The following ARHGEF6 variants were observed in gnomAD, a reference collection of about 807,000 sequenced individuals.
ARHGEF6 encodes rho guanine nucleotide exchange factor 6.
Under a neutral mutation model 70.3 loss-of-function variants are expected in ARHGEF6, and 9 were observed. That is an observed-to-expected ratio of 0.13 (90% CI 0.08 to 0.22). The LOEUF is 0.22. ARHGEF6 is among the 10% of genes least tolerant of loss of function. The probability of loss-of-function intolerance (pLI) is 1.00; values close to 1 mark genes in which losing one functional copy is unlikely to be tolerated. For synonymous variants in ARHGEF6, 201 were observed against 207.8 expected, an observed-to-expected ratio of 0.97 and a Z score of 0.28; for missense variants, 470 against 563.0, an observed-to-expected ratio of 0.83 and a Z score of 1.67.
chrX:136,690,504 G>T, intron 10 of ARHGEF6, 106 bp downstream of exon 10: 2 of 931,912 alleles, frequency 2.1e-6, no homozygotes, highest in Non-Finnish European at 1.5e-6. Context: ...TTGAATCCAA[G>T]ACCTTGATTC....
intron 6 of ARHGEF6, among the ~76,000 whole-genome samples, chrX:136,722,533 T>C (rs1022846290): frequency 3.6e-5 from 4 of 111,602 alleles, no homozygotes; most frequent in Non-Finnish European, 5.7e-5. Flanking sequence ...AAAGAAGATA[T>C]ACAAATGGCC....
chrX:136,766,135 G>A (rs1243368466), intron 2 of ARHGEF6, among the ~76,000 whole-genome samples: 1 of 111,411 alleles, frequency 9.0e-6, no homozygotes, highest in African/African-American at 3.3e-5. Context: ...ACAAGGGCAG[G>A]CCCAGGCCTT....
intron 6 of ARHGEF6, among the ~76,000 whole-genome samples, chrX:136,721,498 G>A (rs1248870780): frequency 2.7e-5 from 3 of 111,392 alleles, no homozygotes; most frequent in Admixed American, 1.9e-4. Context: ...AGGGGGCAGA[G>A]GTTGCAGTGA....
intron 9 of ARHGEF6, among the ~76,000 whole-genome samples, chrX:136,696,350 C>T (rs1216021221): frequency 8.9e-6 from 1 of 111,742 alleles, no homozygotes; most frequent in Non-Finnish European, 1.9e-5. Context: ...CAGTGGCTCA[C>T]ACCTGTAATC....
chrX:136,725,890 T>C (rs1485538574), intron 6 of ARHGEF6, among the ~76,000 whole-genome samples: 1 of 112,199 alleles, frequency 8.9e-6, no homozygotes, highest in Non-Finnish European at 1.9e-5. Context: ...TCCTGGGCTA[T>C]TGATTTTCCA....
intron 15 of ARHGEF6, 67 bp from the exon 16 acceptor site, chrX:136,679,727 G>A: frequency 8.6e-7 from 1 of 1,164,017 alleles, no homozygotes; most frequent in Non-Finnish European, 1.2e-6. Context: ...CACACAGTGA[G>A]AGAACAACAA....
rs949972326 is a variant in ARHGEF6 at position 136,711,532 on chromosome X, T to A, written c.827+1744A>T. Among the ~76,000 whole-genome samples the A allele has an allele frequency of 2.7e-5, 3 of 112,193 alleles. No homozygotes were observed. The East Asian group carries it at 8.3e-4, about 31-fold the overall frequency. On this transcript the variant is annotated intron_variant, in intron 7 of 21. Transcript: ENST00000250617. The stretch of plus-strand genomic sequence containing the variant: ...ACAGAACACTTCATATTTCACATGA[T>A]AATAACAAAAAATACTTTGTTTTTT...
chrX:136,683,559 T>C (rs2076355575), intron 12 of ARHGEF6, among the ~76,000 whole-genome samples: 1 of 111,250 alleles, frequency 9.0e-6, no homozygotes, highest in Non-Finnish European at 1.9e-5. Context: ...GGTTTCTCCA[T>C]GTTGGTCAGG....
chrX:136,761,592 T>A (rs1490112920), intron 2 of ARHGEF6, among the ~76,000 whole-genome samples: 1 of 112,543 alleles, frequency 8.9e-6, no homozygotes. Flanking sequence ...AAGGATTAAT[T>A]TCTGCTGTTA....
At chrX:136,766,106 G>A (rs1248336173) in intron 2 of ARHGEF6, among the ~76,000 whole-genome samples, 3 of 111,909 alleles carry the variant, frequency 2.7e-5, no homozygotes, top group Non-Finnish European at 5.6e-5. Flanking sequence ...GAAATCCTTG[G>A]AAATGCCTCA....
chrX:136,745,239 C>A lies in ARHGEF6; in HGVS notation c.443G>T (p.Arg148Met). The part of the protein sequence containing the change: ...AVSSTVSGLQ[R>M]QSKTVEMTEN... ...TATACTTACCACTGTCTTTGACTGC[C>A]TTTGCAGCCCTGAAACTGTGCTAGA... The change falls in exon 4 of 22, where the codon AGG becomes ATG. Residue 148 changes from arginine to methionine, a missense_variant. By Grantham distance (91) the Arg-to-Met change is moderately conservative (BLOSUM62 -1). Coordinates refer to ENST00000250617, the MANE Select transcript of ARHGEF6 (RefSeq NM_004840.3). 8.3e-7 allele frequency: 1 copy of A among 1,211,764 alleles called. No homozygotes were observed. The highest frequency in any genetic ancestry group is 1.1e-6 in the Non-Finnish European group (1 of 895,495).
intron 6 of ARHGEF6, among the ~76,000 whole-genome samples, chrX:136,730,806 T>C (rs7050751): frequency 0.015 from 1,665 of 111,606 alleles, 28 homozygotes; most frequent in African/African-American, 0.05. Flanking sequence ...ATAGGATTGA[T>C]ATAAATTCCA....
rs753214320 is a variant in ARHGEF6 at position 136,677,860 on chromosome X, G to A, written c.1851+76C>T. On this transcript the variant is annotated intron_variant, in intron 17 of 21. Transcript: ENST00000250617. ...AACAAGGGACAAAACAAGCATAAGGGAAAGCTTCATTCATCAAAGGTTACA... is the reference window on the plus strand; with the variant it reads ...AACAAGGGACAAAACAAGCATAAGGAAAAGCTTCATTCATCAAAGGTTACA... 19 of 899,380 alleles carry A rather than the reference G, an allele frequency of 2.1e-5. 1 individual carries two copies. In the East Asian group the frequency reaches 2.2e-4, roughly 11 times the overall value. 74.1% of individuals were successfully genotyped at this position (899,380 alleles called of 1,213,427 possible).
chrX:136,684,480 T>A (rs1295986442), intron 12 of ARHGEF6, among the ~76,000 whole-genome samples: 1 of 111,527 alleles, frequency 9.0e-6, no homozygotes, highest in East Asian at 2.8e-4. Flanking sequence ...ACCCGATACA[T>A]CAAACCAGGT....
chrX:136,736,556 T>C (rs889020440), intron 5 of ARHGEF6, among the ~76,000 whole-genome samples: 5 of 109,743 alleles, frequency 4.6e-5, no homozygotes, highest in Non-Finnish European at 7.6e-5. Flanking sequence ...TGGAAAGAGG[T>C]TTTTATCATC....
chrX:136,695,326 G>A (rs1464156002), intron 9 of ARHGEF6, among the ~76,000 whole-genome samples: 1 of 112,157 alleles, frequency 8.9e-6, no homozygotes, highest in Non-Finnish European at 1.9e-5. Flanking sequence ...ATCATTTCAA[G>A]GGATATTATA....
chrX:136,703,192 C>T (rs2076593314), intron 9 of ARHGEF6, among the ~76,000 whole-genome samples: 1 of 111,974 alleles, frequency 8.9e-6, no homozygotes, highest in Non-Finnish European at 1.9e-5. Context: ...GATACAACAC[C>T]AAAAGTGCAA....
At chrX:136,743,443 G>T in intron 5 of ARHGEF6, 142 bp downstream of exon 5, 2 of 549,530 alleles carry the variant, frequency 3.6e-6, no homozygotes, top group Non-Finnish European at 6.0e-6. Flanking sequence ...ATTTTTCCCA[G>T]TTCTGTTCTA....
chrX:136,712,885 A>G (rs939148705), intron 7 of ARHGEF6, among the ~76,000 whole-genome samples: 3 of 112,575 alleles, frequency 2.7e-5, no homozygotes, highest in African/African-American at 9.7e-5. Flanking sequence ...AGCATGGGAA[A>G]GAAGTTCTGC....
Sources: gnomAD v4.1 joint callset for allele counts (sites outside exome capture counted in the v4.1 genomes callset) on GRCh38, gnomAD v4.1.1 for gene constraint, MANE v1.5 for transcripts, NCBI Gene and HGNC (gene_info 2026-07-23, HGNC 2026-07-21) for gene names.